BAP1: variants seen among roughly 807,000 people sequenced by gnomAD.
The protein encoded by BAP1 is ubiquitin carboxyl-terminal hydrolase BAP1.
BAP1 carries 16 observed loss-of-function variants against 77.2 expected under a neutral mutation model. That is an observed-to-expected ratio of 0.21 (90% CI 0.14 to 0.31). BAP1 has a LOEUF of 0.31. Ranked by LOEUF, BAP1 falls within the 10% of genes least tolerant of loss-of-function variation. The probability of loss-of-function intolerance (pLI) is 1.00; values close to 1 mark genes in which losing one functional copy is unlikely to be tolerated. For synonymous variants in BAP1, 362 were observed against 385.2 expected (o/e 0.94, Z 0.71); for missense variants, 699 against 967.3 (o/e 0.72, Z 3.68).
intron 7 of BAP1, 42 bp downstream of exon 7, chr3:52,407,132 T>G (rs773125440): frequency 5.6e-6 from 9 of 1,611,982 alleles, no homozygotes; most frequent in Admixed American, 5.0e-5. Context: ...CCCTAGGAGG[T>G]AGGCAGAGAC....
Position 52,402,690 on chromosome 3 carries a change from A to C in BAP1, c.1984-16T>G, listed in dbSNP as rs923614321. The C allele has an allele frequency of 6.8e-6, 11 of 1,614,046 alleles. No homozygotes were observed. The highest frequency in any genetic ancestry group is 1.3e-5 in the African/African-American group (1 of 74,922). ...GGTCATCAATCTGTAGGAGAGAAGAAGACTGAGAGCACTGGAGCCAATCTT... is the reference window on the plus strand; with the variant it reads ...GGTCATCAATCTGTAGGAGAGAAGACGACTGAGAGCACTGGAGCCAATCTT... On this transcript the variant is annotated splice_polypyrimidine_tract_variant and intron_variant, in intron 15 of 16. Coordinates refer to ENST00000460680, the MANE Select transcript of BAP1 (RefSeq NM_004656.4). The surrounding 1 kb of genome is among the most constrained non-coding windows in gnomAD (Gnocchi z 5.3).
In BAP1 at chr3:52,408,545, C is replaced by A. The variant is rs759957857; in HGVS notation, c.184G>T (p.Val62Phe). 6.2e-7 allele frequency: 1 copy of A among 1,611,786 alleles called. No individual in the cohort carries two copies. Among genetic ancestry groups the A allele is most frequent in the Non-Finnish European group, 8.5e-7 (1 of 1,179,112 alleles). Residue 62 changes from valine to phenylalanine, a missense_variant, in exon 4 of 17, where the codon GTC becomes TTC. Transcript: ENST00000460680. The part of the protein sequence containing the change: ...WIEERRSRRK[V>F]STLVDDTSVI... ...GACGTATCATCCACCAAGGTAGAGA[C>A]CTTTCGCCGGGACCGGCGCTCTTCG... is the stretch of plus-strand genomic sequence containing the variant.
chr3:52,404,157 C>G (rs971304945), intron 12 of BAP1, among the ~76,000 whole-genome samples: 4 of 152,214 alleles, frequency 2.6e-5, no homozygotes, highest in Non-Finnish European at 4.4e-5. Flanking sequence ...AGCAAAGCTG[C>G]CTCCCCACCA....
chr3:52,402,767 G>T lies in BAP1; in HGVS notation c.1983+12C>A, dbSNP rs2153226273. The T allele has an allele frequency of 1.2e-6, 2 of 1,614,226 alleles. No homozygotes were observed. The highest frequency in any genetic ancestry group is 1.7e-6 in the Non-Finnish European group (2 of 1,180,048). On this transcript the variant is annotated intron_variant, in intron 15 of 16. Coordinates refer to ENST00000460680, the MANE Select transcript of BAP1 (RefSeq NM_004656.4). This position sits in a 1 kb window ranked among gnomAD's most constrained non-coding sequence, Gnocchi z 5.3. ...GGAGAGGCCAGATCAGGCAACTGGA[G>T]AAATCACCCACCTTGAACTTCTTCC... is the stretch of plus-strand genomic sequence containing the variant.
rs1440785228 is a variant in BAP1 at position 52,409,833 on chromosome 3, C to A, written c.37+9G>T. The A allele has an allele frequency of 6.2e-7, 1 of 1,612,446 alleles. No homozygotes were observed. Among genetic ancestry groups the A allele is most frequent in the Admixed American group, 1.7e-5 (1 of 60,020 alleles). On this transcript the variant is annotated intron_variant, in intron 1 of 16. Transcript: ENST00000460680. The stretch of plus-strand genomic sequence containing the variant: ...CCCCAGCCCCTGGCCCTCCCGGTCC[C>A]CTCCTCACCTGGGTCGCTCTCCAGC...
chr3:52,403,331 G>T lies in BAP1; in HGVS notation c.1730-33C>A. On this transcript the variant is annotated intron_variant, in intron 13 of 16. Transcript: ENST00000460680. This position sits in a 1 kb window ranked among gnomAD's most constrained non-coding sequence, Gnocchi z 4.0. The stretch of plus-strand genomic sequence containing the variant: ...GAGAGGTCACAAGAAAATCATCAGA[G>T]TGCAGGACACTTTGTGGTCACTTGG... The T allele has an allele frequency of 6.2e-7, 1 of 1,613,060 alleles. No individual in the cohort carries two copies.
rs749108952 is a variant in BAP1 at position 52,405,219 on chromosome 3, A to G, written c.1007T>C (p.Val336Ala). The change falls in exon 11 of 17, where the codon GTG becomes GCG. Residue 336 changes from valine (V) to alanine (A), a missense_variant. Transcript: ENST00000460680. The stretch of plus-strand genomic sequence containing the variant: ...ATTGAGGCTGCTGCCTGGAGGCTTC[A>G]CCACTAGCTTGGGTTTGTTGGGAGG... Reference protein sequence around the residue: ...HSPPNKPKLVVKPPGSSLNGV... With the variant: ...HSPPNKPKLVAKPPGSSLNGV... 5 of 1,613,982 alleles carry G rather than the reference A, an allele frequency of 3.1e-6. No individual in the cohort carries two copies. In the South Asian group the frequency reaches 5.5e-5, roughly 18 times the overall value.
Position 52,406,309 on chromosome 3 carries a change from C to T in BAP1, c.727G>A (p.Ala243Thr), listed in dbSNP as rs1705156378. Residue 243 changes from alanine to threonine, a missense_variant, in exon 9 of 17, where the codon GCC (alanine) becomes ACC (threonine). Physicochemically the swap from Ala to Thr is moderately conservative, Grantham distance 58. Coordinates refer to ENST00000460680, the MANE Select transcript of BAP1 (RefSeq NM_004656.4). The surrounding 1 kb of genome is among the most constrained non-coding windows in gnomAD (Gnocchi z 4.6). ...TTCACCTTCAGCACATGCAGCCTGG[C>T]CTCATACTTGATCCTGCGGTCGGGC... Reference protein sequence around the residue: ...VVPDRRIKYEARLHVLKVNRQ... With the variant: ...VVPDRRIKYETRLHVLKVNRQ... 1 of 1,614,198 alleles carries T rather than the reference C, an allele frequency of 6.2e-7. No homozygotes were observed. The highest frequency in any genetic ancestry group is 8.5e-7 in the Non-Finnish European group (1 of 1,180,032).
rs377025433 is a variant in BAP1 at position 52,403,384 on chromosome 3, C to A, written c.1729+32G>T. 1 of 1,612,658 alleles carries A rather than the reference C, an allele frequency of 6.2e-7. No individual in the cohort carries two copies. Among genetic ancestry groups the A allele is most frequent in the Non-Finnish European group, 8.5e-7 (1 of 1,179,436 alleles). ...ACTTCCCTCCTCCCTCCTGGGTGCA[C>A]CAAGTGGCCAGTGAGCCAGTCCAAG... On this transcript the variant is annotated intron_variant, in intron 13 of 16. Coordinates refer to ENST00000460680, the MANE Select transcript of BAP1 (RefSeq NM_004656.4). The surrounding 1 kb of genome is among the most constrained non-coding windows in gnomAD (Gnocchi z 4.0).
Position 52,404,499 on chromosome 3 carries a change from CAT to C in BAP1, c.1202_1203del (p.Tyr401Ter), listed in dbSNP as rs886058705. 1 of 1,614,158 alleles carries C rather than the reference CAT, an allele frequency of 6.2e-7. No homozygotes were observed. The highest frequency in any genetic ancestry group is 8.5e-7 in the Non-Finnish European group (1 of 1,180,042). On this transcript the variant is annotated frameshift_variant, in exon 12 of 17. Transcript: ENST00000460680. LOFTEE classifies it high-confidence loss of function. The part of the protein sequence containing the change: ...PQQYSDDEDD[Y>X]EDDEEDDVQN... ...TGCACGTCATCCTCCTCGTCATCCT[CAT>C]AGTCATCCTCATCATCTGAGTACTG...
Position 52,401,677 on chromosome 3 carries a change from T to C in BAP1, c.*611A>G. On this transcript the variant is annotated 3_prime_UTR_variant, in exon 17 of 17. Transcript: ENST00000460680. Reference sequence around the variant, plus strand: ...CCCCAACCCCACTGGGACACCCTACTCCCAACCCAGCCCAGTGCTGGGTCC... The same window carrying C: ...CCCCAACCCCACTGGGACACCCTACCCCCAACCCAGCCCAGTGCTGGGTCC... The C allele has an allele frequency of 4.2e-6, 1 of 238,342 alleles. No individual in the cohort carries two copies. Among genetic ancestry groups the C allele is most frequent in the Non-Finnish European group, 8.3e-6 (1 of 121,014 alleles). 14.8% of individuals were successfully genotyped at this position (238,342 alleles called of 1,614,324 possible).
In BAP1 at chr3:52,406,190, G is replaced by A. The variant is rs1578224865; in HGVS notation, c.783+63C>T. On this transcript the variant is annotated intron_variant, in intron 9 of 16. Coordinates refer to ENST00000460680, the MANE Select transcript of BAP1 (RefSeq NM_004656.4). This position sits in a 1 kb window ranked among gnomAD's most constrained non-coding sequence, Gnocchi z 4.6. ...ACGAATCAGAGACAAATGCTGTGGG[G>A]GAAGGGAGGAGGAATGCAGGGAGGG... 7.4e-6 allele frequency: 12 copies of A among 1,612,156 alleles called. No homozygotes were observed. In the East Asian group the frequency reaches 2.7e-4, roughly 36 times the overall value.
Position 52,404,526 on chromosome 3 carries a change from G to T in BAP1, c.1177C>A (p.Gln393Lys), listed in dbSNP as rs878874989. ...RSRVPVRPPQQYSDDEDDYED... is the reference protein window; with the variant it reads ...RSRVPVRPPQKYSDDEDDYED... Reference sequence around the variant, plus strand: ...TAGTCATCCTCATCATCTGAGTACTGCTGGGGTGGGCGGACTGGAACTCGG... The same window carrying T: ...TAGTCATCCTCATCATCTGAGTACTTCTGGGGTGGGCGGACTGGAACTCGG... Residue 393 changes from glutamine to lysine, a missense_variant, in exon 12 of 17, where the codon CAG (glutamine) becomes AAG (lysine). By Grantham distance (53) the Gln-to-Lys change is moderately conservative (BLOSUM62 1). This residue lies in a region of BAP1 where 475 missense variants were observed against 532.4 expected (regional missense o/e 0.89). Transcript: ENST00000460680. 6.2e-7 allele frequency: 1 copy of T among 1,614,160 alleles called. No individual in the cohort carries two copies. The highest frequency in any genetic ancestry group is 1.1e-5 in the South Asian group (1 of 91,080).
rs1559591803 is a variant in BAP1, at chr3:52,408,622, G to A, written c.123-16C>T. On this transcript the variant is annotated splice_polypyrimidine_tract_variant and intron_variant, in intron 3 of 16. Transcript: ENST00000460680. ...ATATACAGGGCTGGGGGAAGTAAGG[G>A]GCAGAGCCAGATCAGCCAAAGGGGA... is the stretch of plus-strand genomic sequence containing the variant. 6.2e-7 allele frequency: 1 copy of A among 1,606,362 alleles called. No homozygotes were observed. The highest frequency in any genetic ancestry group is 1.3e-5 in the African/African-American group (1 of 74,988).
rs376976667 is a variant in BAP1 at position 52,409,902 on chromosome 3, C to G, written c.-24G>C. On this transcript the variant is annotated 5_prime_UTR_variant, in exon 1 of 17. Coordinates refer to ENST00000460680, the MANE Select transcript of BAP1 (RefSeq NM_004656.4). Reference sequence around the variant, plus strand: ...ATCTTCCCGCGGGGCGGCCCCTCAGCGCCATGTCCAGGCCCTCCCTCCCCA... The same window carrying G: ...ATCTTCCCGCGGGGCGGCCCCTCAGGGCCATGTCCAGGCCCTCCCTCCCCA... The G allele has an allele frequency of 2.5e-6, 4 of 1,603,552 alleles. No individual in the cohort carries two copies. In the African/African-American group the frequency reaches 5.3e-5, roughly 21 times the overall value.
In BAP1 at chr3:52,406,798, G is replaced by A; in HGVS notation, c.659+31C>T. 1 of 1,550,818 alleles carries A rather than the reference G, an allele frequency of 6.4e-7. No homozygotes were observed. The highest frequency in any genetic ancestry group is 8.7e-7 in the Non-Finnish European group (1 of 1,145,940). ...CTCCCAAAGTAGGTACAGCTCCAGAGAGTAGAACAGGGCAGGCACAGGGCC... is the reference window on the plus strand; with the variant it reads ...CTCCCAAAGTAGGTACAGCTCCAGAAAGTAGAACAGGGCAGGCACAGGGCC... On this transcript the variant is annotated intron_variant, in intron 8 of 16. Coordinates refer to ENST00000460680, the MANE Select transcript of BAP1 (RefSeq NM_004656.4). This position sits in a 1 kb window ranked among gnomAD's most constrained non-coding sequence, Gnocchi z 4.6.
At chr3:52,407,751 C>T (rs1357526750) in intron 5 of BAP1, among the ~76,000 whole-genome samples, 1 of 152,228 alleles carries the variant, frequency 6.6e-6, no homozygotes, top group Non-Finnish European at 1.5e-5. Context: ...ACTCTCCTCC[C>T]TCCCTAGGCC....
Position 52,402,556 on chromosome 3 carries a change from GC to G in BAP1, c.2056+45del, listed in dbSNP as rs1704995685. Reference sequence around the variant, plus strand: ...CAGGGGAGGGGAGCTGAAGGACACGGCCCTCAGCAGGGCATTCCAGTTAAGA... The same window carrying G: ...CAGGGGAGGGGAGCTGAAGGACACGGCCTCAGCAGGGCATTCCAGTTAAGA... On this transcript the variant is annotated intron_variant, in intron 16 of 16. Coordinates refer to ENST00000460680, the MANE Select transcript of BAP1 (RefSeq NM_004656.4). This position sits in a 1 kb window ranked among gnomAD's most constrained non-coding sequence, Gnocchi z 5.3. 6.2e-7 allele frequency: 1 copy of G among 1,611,760 alleles called. No homozygotes were observed. The highest frequency in any genetic ancestry group is 1.3e-5 in the African/African-American group (1 of 74,856).
intron 10 of BAP1, 115 bp from the exon 11 acceptor site, chr3:52,405,409 G>GTA (rs1705119232): frequency 9.4e-6 from 11 of 1,173,944 alleles, no homozygotes; most frequent in Non-Finnish European, 1.3e-5. Context: ...CAGCCAGCTG[G>GTA]TGCAATGGGA....
Sources: allele counts gnomAD v4.1 joint callset (sites outside exome capture counted in the v4.1 genomes callset), GRCh38; gene constraint gnomAD v4.1.1; regional missense constraint gnomAD v4.1.1; non-coding constraint Gnocchi (gnomAD v3.1); transcripts MANE v1.5; gene names NCBI Gene and HGNC (gene_info 2026-07-23, HGNC 2026-07-21).